Variants in ABCC1 observed in about 807,000 individuals in gnomAD.
The protein encoded by ABCC1 is multidrug resistance-associated protein 1.
In ABCC1, 83 loss-of-function variants were observed where a neutral mutation model predicts 172.9. The observed-to-expected ratio is 0.48, with a 90% CI of 0.40 to 0.58. The LOEUF (loss-of-function observed/expected upper bound fraction) is 0.58, where lower values mean the gene tolerates loss of function less well. ABCC1 is among the 20% of genes least tolerant of loss of function. The pLI is 0.00. For missense variants in ABCC1, 1,817 were observed against 2,002.7 expected, an observed-to-expected ratio of 0.91 and a Z score of 1.77; for synonymous variants, 937 against 825.2, an observed-to-expected ratio of 1.14 and a Z score of -2.32.
intron 1 of ABCC1, among the ~76,000 whole-genome samples, chr16:15,976,537 T>C (rs1398863949): frequency 6.6e-6 from 1 of 152,164 alleles, no homozygotes; most frequent in East Asian, 1.9e-4. Flanking sequence ...CCATGCTCCA[T>C]CTTGCCCCAT....
At chr16:16,043,155 A>G (rs895820320) in intron 7 of ABCC1, among the ~76,000 whole-genome samples, 21 of 146,372 alleles carry the variant, frequency 1.4e-4, no homozygotes, top group African/African-American at 4.6e-4. Flanking sequence ...GAACCACTGC[A>G]CCCAGTCAAA....
intron 21 of ABCC1, among the ~76,000 whole-genome samples, chr16:16,107,180 AT>A (rs2052160992): frequency 6.6e-6 from 1 of 152,188 alleles, no homozygotes; most frequent in Non-Finnish European, 1.5e-5. Context: ...GGTGAGCTGG[AT>A]GCTTTAAATC....
intron 5 of ABCC1, among the ~76,000 whole-genome samples, chr16:16,032,616 T>G (rs1325772887): frequency 6.6e-6 from 1 of 152,194 alleles, no homozygotes; most frequent in East Asian, 1.9e-4. Context: ...TATAAGCTCT[T>G]GGTAGAGTGT....
At chr16:16,059,054 C>G (rs559890244) in intron 12 of ABCC1, among the ~76,000 whole-genome samples, 1 of 151,866 alleles carries the variant, frequency 6.6e-6, no homozygotes, top group South Asian at 2.1e-4. Flanking sequence ...CCTAACATAT[C>G]CCTAGGTGCT....
intron 1 of ABCC1, among the ~76,000 whole-genome samples, chr16:15,969,926 G>A (rs1389837919): frequency 1.3e-5 from 2 of 152,086 alleles, no homozygotes; most frequent in Non-Finnish European, 2.9e-5. Flanking sequence ...ATGGTTCCCT[G>A]CCTTCCTTGA....
intron 21 of ABCC1, among the ~76,000 whole-genome samples, chr16:16,109,315 T>C (rs2152079509): frequency 6.6e-6 from 1 of 152,264 alleles, no homozygotes; most frequent in Non-Finnish European, 1.5e-5. Flanking sequence ...TAGCTGGGAC[T>C]ATAGGTGTGG....
At chr16:16,125,556 A>G (rs1181683904) in intron 25 of ABCC1, among the ~76,000 whole-genome samples, 2 of 151,854 alleles carry the variant, frequency 1.3e-5, no homozygotes, top group African/African-American at 4.8e-5. Context: ...AGCCTCCCAA[A>G]TAGCTGGGTT....
In ABCC1 at chr16:16,045,938, G is replaced by A; in HGVS notation, c.1143G>A (p.Leu381=). Residue 381 remains leucine, a synonymous_variant, in exon 9 of 31, where the codon CTG becomes CTA. Transcript: ENST00000399410. ...CTGCCTGCCTGCAGACCCTCGTGCTGCACCAGTACTTCCACATCTGCTTCG... is the reference window on the plus strand; with the variant it reads ...CTGCCTGCCTGCAGACCCTCGTGCTACACCAGTACTTCCACATCTGCTTCG... ...FVTACLQTLV[L]HQYFHICFVS... 2 of 1,614,186 alleles carry A rather than the reference G, an allele frequency of 1.2e-6. No individual in the cohort carries two copies. The highest frequency in any genetic ancestry group is 2.2e-5 in the South Asian group (2 of 91,076).
intron 14 of ABCC1, among the ~76,000 whole-genome samples, chr16:16,075,591 A>C (rs2050525555): frequency 2.0e-5 from 3 of 152,202 alleles, no homozygotes. Context: ...AGATCGCACC[A>C]CTGCGCTCCA....
intron 10 of ABCC1, among the ~76,000 whole-genome samples, chr16:16,050,858 C>G (rs1044281870): frequency 1.3e-5 from 2 of 151,386 alleles, no homozygotes; most frequent in Non-Finnish European, 2.9e-5. Context: ...AAGCTAGGAT[C>G]ACACCACTGC....
chr16:16,072,813 A>T (rs2050401776), intron 14 of ABCC1, among the ~76,000 whole-genome samples: 1 of 151,632 alleles, frequency 6.6e-6, no homozygotes, highest in Admixed American at 6.6e-5. Context: ...GAGCTGAGGC[A>T]GGTGGATCAC....
intron 21 of ABCC1, among the ~76,000 whole-genome samples, chr16:16,108,599 C>CTT (rs1235126707): frequency 3.4e-4 from 44 of 128,094 alleles, no homozygotes; most frequent in East Asian, 2.6e-3. Flanking sequence ...AATTTGTTTT[C>CTT]TTTTTTTTTT....
At chr16:15,963,212 C>G (rs570092421) in intron 1 of ABCC1, among the ~76,000 whole-genome samples, 1 of 152,394 alleles carries the variant, frequency 6.6e-6, no homozygotes, top group East Asian at 1.9e-4. Context: ...CCAGGTCACA[C>G]TGTTGCAAGA....
rs190513548 is a variant in ABCC1 at position 16,096,243 on chromosome 16, A to C, written c.2644+5655A>C. Among the ~76,000 whole-genome samples, 199 of 152,104 alleles carry C rather than the reference A, an allele frequency of 1.3e-3. 2 individuals carry two copies. Among genetic ancestry groups the C allele is most frequent in the African/African-American group, 4.7e-3 (194 of 41,480 alleles). The stretch of plus-strand genomic sequence containing the variant: ...GACTGTCTCAAAAAAAAAACAAAAA[A>C]ACAAAAAAAAACTCCCGAGAAAGAA... On this transcript the variant is annotated intron_variant, in intron 19 of 30. Coordinates refer to ENST00000399410, the MANE Select transcript of ABCC1 (RefSeq NM_004996.4).
chr16:15,979,949 A>G (rs937795675), intron 1 of ABCC1, among the ~76,000 whole-genome samples: 6 of 152,176 alleles, frequency 3.9e-5, no homozygotes, highest in African/African-American at 1.2e-4. Context: ...GCCACACCCC[A>G]GGAATTCTGC....
chr16:15,981,378 G>T (rs535534960), intron 1 of ABCC1, among the ~76,000 whole-genome samples: 1 of 152,212 alleles, frequency 6.6e-6, no homozygotes, highest in African/African-American at 2.4e-5. Flanking sequence ...CACTGCTGCA[G>T]CAAACTTCTG....
chr16:16,076,704 T>C (rs1270270988), intron 15 of ABCC1, among the ~76,000 whole-genome samples: 2 of 152,174 alleles, frequency 1.3e-5, no homozygotes, highest in African/African-American at 4.8e-5. Context: ...AGTTCTACTT[T>C]CAGGTGCGGT....
At chr16:15,975,792 G>T (rs2046476417) in intron 1 of ABCC1, among the ~76,000 whole-genome samples, 3 of 151,862 alleles carry the variant, frequency 2.0e-5, no homozygotes, top group Non-Finnish European at 4.4e-5. Flanking sequence ...CCAACCTCAG[G>T]TGATCTGCCC....
In ABCC1 at chr16:16,077,071, A is replaced by C. The variant is rs769635114; in HGVS notation, c.1988+670A>C. Among the ~76,000 whole-genome samples the C allele has an allele frequency of 1.5e-4, 23 of 152,140 alleles. 1 individual carries two copies. The highest frequency in any genetic ancestry group is 3.1e-4 in the Non-Finnish European group (21 of 68,020). On this transcript the variant is annotated intron_variant, in intron 15 of 30. Coordinates refer to ENST00000399410, the MANE Select transcript of ABCC1 (RefSeq NM_004996.4). ...TACAGTCCTTACCTTTCCAAAGCAC[A>C]TGATGTCTAGGAAATTGACCTTATC...
Sources: gnomAD v4.1 joint callset for allele counts (sites outside exome capture counted in the v4.1 genomes callset) on GRCh38, gnomAD v4.1.1 for gene constraint, MANE v1.5 for transcripts, NCBI Gene and HGNC (gene_info 2026-07-23, HGNC 2026-07-21) for gene names.